The following LTBP1 variants were observed in gnomAD, a reference collection of about 807,000 sequenced individuals.
LTBP1 encodes the protein latent-transforming growth factor beta-binding protein 1.
A neutral mutation model predicts 207.6 loss-of-function variants in LTBP1; 129 were observed. That is an observed-to-expected ratio of 0.62 (90% CI 0.54 to 0.72). The LOEUF (loss-of-function observed/expected upper bound fraction) is 0.72. Among genes scored for constraint, LTBP1 ranks in the 30% least tolerant of loss-of-function variants. The pLI, the probability that LTBP1 is intolerant of heterozygous loss-of-function variation, is 0.00. For missense variants in LTBP1, 2,281 were observed against 2,217.2 expected, an observed-to-expected ratio of 1.03 and a Z score of -0.58; for synonymous variants, 963 against 833.7, an observed-to-expected ratio of 1.16 and a Z score of -2.67.
At chr2:33,144,179 G>A (rs1399759775) in intron 5 of LTBP1, among the ~76,000 whole-genome samples, 2 of 151,962 alleles carry the variant, frequency 1.3e-5, no homozygotes, top group African/African-American at 4.8e-5. Flanking sequence ...GACAGTGGTT[G>A]CTTTATTTAC....
At chr2:33,158,309 T>A (rs1340133889) in intron 5 of LTBP1, among the ~76,000 whole-genome samples, 1 of 152,102 alleles carries the variant, frequency 6.6e-6, no homozygotes, top group East Asian at 1.9e-4. Flanking sequence ...TATCCAGGGA[T>A]TAAGTAGTTA....
intron 3 of LTBP1, among the ~76,000 whole-genome samples, chr2:33,079,045 G>A (rs1224308440): frequency 6.6e-6 from 1 of 151,802 alleles, no homozygotes; most frequent in African/African-American, 2.4e-5. Context: ...TGTTAGTAGA[G>A]ACGGGGTTTC....
At chr2:32,980,131 C>A (rs1178063491) in intron 2 of LTBP1, among the ~76,000 whole-genome samples, 1 of 151,964 alleles carries the variant, frequency 6.6e-6, no homozygotes, top group African/African-American at 2.4e-5. Flanking sequence ...CACTCTTTGT[C>A]TTTTGATGGA....
At chr2:33,300,936 A>G (rs2093977927) in intron 21 of LTBP1, among the ~76,000 whole-genome samples, 1 of 152,200 alleles carries the variant, frequency 6.6e-6, no homozygotes. Context: ...GGGCTGCTTT[A>G]TGCTGTGGAA....
At chr2:33,361,799 A>G (rs1186771386) in intron 28 of LTBP1, among the ~76,000 whole-genome samples, 1 of 152,176 alleles carries the variant, frequency 6.6e-6, no homozygotes, top group African/African-American at 2.4e-5. Context: ...TAAGATATAT[A>G]TCTGAAAGTA....
At chr2:33,302,845 C>A (rs1193626071) in intron 22 of LTBP1, among the ~76,000 whole-genome samples, 1 of 151,704 alleles carries the variant, frequency 6.6e-6, no homozygotes, top group Non-Finnish European at 1.5e-5. Flanking sequence ...GGTGGATCAC[C>A]TGAGGTCAGG....
chr2:33,110,199 T>C (rs994038690), intron 3 of LTBP1, among the ~76,000 whole-genome samples: 6 of 152,220 alleles, frequency 3.9e-5, no homozygotes, highest in South Asian at 4.1e-4. Context: ...CAAGCGATCC[T>C]CCCATCTCAG....
At chr2:33,249,223 A>G (rs974914101) in intron 10 of LTBP1, among the ~76,000 whole-genome samples, 2 of 152,080 alleles carry the variant, frequency 1.3e-5, no homozygotes, top group Admixed American at 1.3e-4. Flanking sequence ...TTTGTCATTC[A>G]CATTTTAACC....
Position 33,397,234 on chromosome 2 carries a change from G to A in LTBP1, c.4936G>A (p.Asp1646Asn), listed in dbSNP as rs755388151. 35 of 1,614,004 alleles carry A rather than the reference G, an allele frequency of 2.2e-5. No individual in the cohort carries two copies. The highest frequency in any genetic ancestry group is 8.0e-5 in the African/African-American group (6 of 74,916). Reference sequence around the variant, plus strand: ...GAGGGTCCAGGAAGGTTACACCTGCGATTGCTTTGATGGGTATCACTTGGA... The same window carrying A: ...GAGGGTCCAGGAAGGTTACACCTGCAATTGCTTTGATGGGTATCACTTGGA... ...CVRVQEGYTC[D>N]CFDGYHLDTA... Residue 1646 changes from aspartate (D) to asparagine (N), a missense_variant, in exon 33 of 34, where the codon GAT becomes AAT. This residue lies in a region of LTBP1 where 1,671 missense variants were observed against 1,634.8 expected (regional missense o/e 1.02). Coordinates refer to ENST00000404816, the MANE Select transcript of LTBP1 (RefSeq NM_206943.4).
chr2:33,368,937 A>G lies in LTBP1; in HGVS notation c.4711+3434A>G, dbSNP rs1027935499. On this transcript the variant is annotated intron_variant, in intron 31 of 33. Transcript: ENST00000404816. ...TAAAAATTTACACTCAATTTAATTG[A>G]CTAGGTTTAAAAACCTTCAAGTATT... is the stretch of plus-strand genomic sequence containing the variant. Among the ~76,000 whole-genome samples, 11 of 152,316 alleles carry G rather than the reference A, an allele frequency of 7.2e-5. 1 individual carries two copies. The highest frequency in any genetic ancestry group is 2.6e-4 in the African/African-American group (11 of 41,566).
chr2:33,298,577 A>C (rs2093924763), intron 20 of LTBP1, among the ~76,000 whole-genome samples: 1 of 152,246 alleles, frequency 6.6e-6, no homozygotes, highest in Non-Finnish European at 1.5e-5. Flanking sequence ...AGAATGTGCT[A>C]AAAGAAAATA....
At chr2:33,072,042 G>A (rs1041407866) in intron 3 of LTBP1, among the ~76,000 whole-genome samples, 39 of 144,682 alleles carry the variant, frequency 2.7e-4, no homozygotes, top group African/African-American at 8.4e-4. Context: ...GACTGCCCCC[G>A]TTTCAGATAC....
intron 32 of LTBP1, among the ~76,000 whole-genome samples, chr2:33,391,646 G>A (rs2095315397): frequency 6.6e-6 from 1 of 152,108 alleles, no homozygotes; most frequent in Non-Finnish European, 1.5e-5. Context: ...AGTAACCCCA[G>A]GACAAATGGA....
intron 3 of LTBP1, among the ~76,000 whole-genome samples, chr2:33,108,610 G>A (rs924482883): frequency 6.6e-6 from 1 of 152,044 alleles, no homozygotes; most frequent in Non-Finnish European, 1.5e-5. Context: ...TACTTTTCTG[G>A]CTGTGGTTGG....
chr2:33,075,697 T>G (rs1558601726), intron 3 of LTBP1, among the ~76,000 whole-genome samples: 1 of 152,256 alleles, frequency 6.6e-6, no homozygotes. Context: ...CCAATTTACC[T>G]ACTTTACTGG....
intron 26 of LTBP1, among the ~76,000 whole-genome samples, chr2:33,356,095 C>CT (rs1203942568): frequency 1.3e-5 from 2 of 151,870 alleles, no homozygotes; most frequent in Non-Finnish European, 1.5e-5. Flanking sequence ...AGGAAGAAGG[C>CT]TTTAATTGGG....
rs536800497 is a variant in LTBP1 at position 33,214,777 on chromosome 2, G to A, written c.1702-2775G>A. Among the ~76,000 whole-genome samples, 16 of 151,972 alleles carry A rather than the reference G, an allele frequency of 1.1e-4. No homozygotes were observed. In the East Asian group the frequency reaches 2.3e-3, roughly 22 times the overall value. On this transcript the variant is annotated intron_variant, in intron 7 of 33. Transcript: ENST00000404816. ...ACGTGTCTGCAGGAGTTACTGCCCC[G>A]GTTTCAAGAGATGTGATGGTCTTGG...
intron 2 of LTBP1, among the ~76,000 whole-genome samples, chr2:33,015,741 A>G (rs532602770): frequency 6.6e-6 from 1 of 152,320 alleles, no homozygotes; most frequent in African/African-American, 2.4e-5. Flanking sequence ...TGCAGGCTGT[A>G]CAGGAAGCAT....
At chr2:33,372,485 A>C (rs540582292) in intron 31 of LTBP1, among the ~76,000 whole-genome samples, 1 of 152,390 alleles carries the variant, frequency 6.6e-6, no homozygotes, top group East Asian at 1.9e-4. Flanking sequence ...AACTAAAGCA[A>C]GTCAATAATT....
Sources: allele counts gnomAD v4.1 joint callset (sites outside exome capture counted in the v4.1 genomes callset), GRCh38; gene constraint gnomAD v4.1.1; regional missense constraint gnomAD v4.1.1; transcripts MANE v1.5; gene names NCBI Gene and HGNC (gene_info 2026-07-23, HGNC 2026-07-21).